The following TECPR1 variants were observed in gnomAD, a reference collection of about 807,000 sequenced individuals.
TECPR1 encodes tectonin beta-propeller repeat containing 1.
In TECPR1, 122 loss-of-function variants were observed where a neutral mutation model predicts 162.4. The ratio of observed to expected loss-of-function variants is 0.75; its 90% CI spans 0.65 to 0.87. The LOEUF (loss-of-function observed/expected upper bound fraction) is 0.87, where lower values mean the gene tolerates loss of function less well. Ranked by LOEUF, TECPR1 falls within the 40% of genes least tolerant of loss-of-function variation. The pLI, the probability that TECPR1 is intolerant of heterozygous loss-of-function variation, is 0.00. For synonymous variants in TECPR1, 642 were observed against 670.6 expected (o/e 0.96, Z 0.66); for missense variants, 1,432 against 1,618.2 (o/e 0.88, Z 1.97).
intron 2 of TECPR1, chr7:98,251,003 G>C (rs1167269140): frequency 6.6e-6 from 1 of 152,128 alleles, no homozygotes; most frequent in East Asian, 1.9e-4. Flanking sequence ...GCTCCCCCTA[G>C]CTCCTCATGG....
intron 23 of TECPR1, among the ~76,000 whole-genome samples, chr7:98,220,972 T>C (rs547287696): frequency 2.0e-5 from 3 of 149,790 alleles, no homozygotes; most frequent in South Asian, 4.5e-4. Flanking sequence ...ATTATAGGCA[T>C]GAGCCACTGT....
chr7:98,243,672 C>A, intron 5 of TECPR1, 80 bp from the exon 6 acceptor site: 1 of 1,509,164 alleles, frequency 6.6e-7, no homozygotes, highest in Non-Finnish European at 8.9e-7. Context: ...GCCCGCCTGC[C>A]ATCCGGACTT....
rs750365903 is a variant in TECPR1 at position 98,219,855 on chromosome 7, C to T, written c.3157+1806G>A. ...GGCAGAGGTTGCAGTGAGCCGAGAT[C>T]GCACCACTGCACTCCAGCCTGGGCA... On this transcript the variant is annotated intron_variant, in intron 23 of 25. Transcript: ENST00000447648. 3.3e-5 allele frequency among the ~76,000 whole-genome samples: 5 copies of T among 151,576 alleles called. No individual in the cohort carries two copies. In the East Asian group the frequency reaches 9.8e-4, roughly 30 times the overall value.
Position 98,238,437 on chromosome 7 carries a change from G to C in TECPR1, c.1035+72C>G, listed in dbSNP as rs574114543. 1.0e-5 allele frequency: 13 copies of C among 1,248,488 alleles called. No homozygotes were observed. The African/African-American group carries it at 1.8e-4, about 17-fold the overall frequency. 77.3% of individuals were successfully genotyped at this position (1,248,488 alleles called of 1,614,324 possible). On this transcript the variant is annotated intron_variant, in intron 9 of 25. Coordinates refer to ENST00000447648, the MANE Select transcript of TECPR1 (RefSeq NM_015395.3). ...TCCTACAGTGGGAAGCGGCCACTAG[G>C]CTATTGGGTGGCATCAGGAGCCCCC...
In TECPR1 at chr7:98,231,868, G is replaced by T. The variant is rs373412482; in HGVS notation, c.1910C>A (p.Thr637Lys). Residue 637 changes from threonine to lysine, a missense_variant, in exon 13 of 26, where the codon ACG (threonine) becomes AAG (lysine). By Grantham distance (78) the Thr-to-Lys change is moderately conservative. Coordinates refer to ENST00000447648, the MANE Select transcript of TECPR1 (RefSeq NM_015395.3). Reference sequence around the variant, plus strand: ...GCTGTCCCGGACGCCGTCGTGCCCCGTGAACTGCTCCAGGGCCAAGCGCAC... The same window carrying T: ...GCTGTCCCGGACGCCGTCGTGCCCCTTGAACTGCTCCAGGGCCAAGCGCAC... ...VDVRLALEQF[T>K]GHDGVRDSIL... The T allele has an allele frequency of 6.2e-7, 1 of 1,612,600 alleles. No homozygotes were observed. Among genetic ancestry groups the T allele is most frequent in the Admixed American group, 1.7e-5 (1 of 60,012 alleles).
intron 10 of TECPR1, among the ~76,000 whole-genome samples, chr7:98,236,205 C>A (rs2116593831): frequency 6.6e-6 from 1 of 152,172 alleles, no homozygotes; most frequent in East Asian, 1.9e-4. Flanking sequence ...CAGGTGCAGC[C>A]CCAAAACTGC....
At chr7:98,242,299 A>G (rs1054344319) in intron 6 of TECPR1, among the ~76,000 whole-genome samples, 14 of 152,144 alleles carry the variant, frequency 9.2e-5, no homozygotes, top group Non-Finnish European at 1.0e-4. Flanking sequence ...CCCTGAGTTC[A>G]GGACCCTCGG....
intron 17 of TECPR1, among the ~76,000 whole-genome samples, 191 bp downstream of exon 17, chr7:98,227,821 CAA>C (rs61468739): frequency 1.6e-3 from 162 of 102,586 alleles, no homozygotes; most frequent in African/African-American, 3.5e-3. Flanking sequence ...GACCCTGTAT[CAA>C]AAAAAAAAAA....
chr7:98,244,328 A>G (rs1056783184), intron 5 of TECPR1, among the ~76,000 whole-genome samples: 1 of 152,216 alleles, frequency 6.6e-6, no homozygotes, highest in South Asian at 2.1e-4. Flanking sequence ...CAGCTTGGAC[A>G]CCAGGGTCAG....
intron 21 of TECPR1, 139 bp from the exon 22 acceptor site, chr7:98,222,660 C>G (rs557201127): frequency 9.3e-7 from 1 of 1,074,658 alleles, no homozygotes; most frequent in African/African-American, 1.6e-5. Context: ...CAGCCCCACC[C>G]GGCCTGATCT....
At chr7:98,235,827 CAAAAAAAAAAAA>C (rs765569294) in intron 10 of TECPR1, among the ~76,000 whole-genome samples, 1 of 36,694 alleles carries the variant, frequency 2.7e-5, no homozygotes, top group African/African-American at 6.8e-5. Flanking sequence ...GAGACTGTCT[CAAAAAAAAAAAA>C]AAAAAAAAAA....
intron 2 of TECPR1, among the ~76,000 whole-genome samples, chr7:98,248,373 C>T (rs776304939): frequency 1.8e-4 from 27 of 151,862 alleles, no homozygotes; most frequent in Non-Finnish European, 3.7e-4. Context: ...ACTTAAAAAC[C>T]GGAGCAAAAG....
At position 98,232,094 on chromosome 7, in the gene TECPR1, G is replaced by GTT. The variant is rs1202807390; in HGVS notation, c.1819-136_1819-135insAA. ...CCCAGCACTCCCGGCTGTCAGCCCA[G>GTT]CTCCCCCTATGCTAATGATAACAGT... On this transcript the variant is annotated intron_variant, in intron 12 of 25. Coordinates refer to ENST00000447648, the MANE Select transcript of TECPR1 (RefSeq NM_015395.3). This position sits in a 1 kb window ranked among gnomAD's most constrained non-coding sequence, Gnocchi z 4.6. 91 of 915,304 alleles carry GTT rather than the reference G, an allele frequency of 9.9e-5. No individual in the cohort carries two copies. Among genetic ancestry groups the GTT allele is most frequent in the Admixed American group, 7.2e-4 (31 of 43,012 alleles). 56.7% of individuals were successfully genotyped at this position (915,304 alleles called of 1,614,324 possible).
At chr7:98,231,748 G>A in intron 13 of TECPR1, 56 bp downstream of exon 13, 1 of 1,564,084 alleles carries the variant, frequency 6.4e-7, no homozygotes, top group Non-Finnish European at 8.7e-7. Context: ...CCCTCCTCTA[G>A]CACCCCAGCC....
chr7:98,240,970 AC>A lies in TECPR1; in HGVS notation c.833-20del. ...GAACTTCCTACCGGGCCCCCAAGAA[AC>A]CCCCAGTGGCCCCCATCAGCCTGGA... is the stretch of plus-strand genomic sequence containing the variant. On this transcript the variant is annotated intron_variant, in intron 7 of 25. Coordinates refer to ENST00000447648, the MANE Select transcript of TECPR1 (RefSeq NM_015395.3). The A allele has an allele frequency of 6.3e-7, 1 of 1,594,610 alleles. No homozygotes were observed. The highest frequency in any genetic ancestry group is 1.1e-5 in the South Asian group (1 of 87,742).
At chr7:98,245,812 A>T in intron 3 of TECPR1, 110 bp downstream of exon 3, 1 of 994,532 alleles carries the variant, frequency 1.0e-6, no homozygotes, top group Non-Finnish European at 1.5e-6. Flanking sequence ...AAATGAAGGC[A>T]GGAACTGGTG....
chr7:98,222,717 G>C (rs1193289025), intron 21 of TECPR1, 196 bp from the exon 22 acceptor site: 2 of 838,078 alleles, frequency 2.4e-6, no homozygotes, highest in Middle Eastern at 3.1e-4. Flanking sequence ...CTGCGAGCAG[G>C]GAAAGCGCCC....
intron 2 of TECPR1, among the ~76,000 whole-genome samples, chr7:98,247,866 G>A (rs973771177): frequency 6.6e-6 from 1 of 152,066 alleles, no homozygotes; most frequent in African/African-American, 2.4e-5. Flanking sequence ...GGGACTACAG[G>A]CATGTGCCAC....
At chr7:98,227,373 CA>C (rs1262353275) in intron 17 of TECPR1, among the ~76,000 whole-genome samples, 1 of 143,746 alleles carries the variant, frequency 7.0e-6, no homozygotes, top group Non-Finnish European at 1.5e-5. Flanking sequence ...GCCTGGGCGA[CA>C]GGGCGAGACT....
Sources: allele counts gnomAD v4.1 joint callset (sites outside exome capture counted in the v4.1 genomes callset), GRCh38; gene constraint gnomAD v4.1.1; non-coding constraint Gnocchi (gnomAD v3.1); transcripts MANE v1.5; gene names NCBI Gene and HGNC (gene_info 2026-07-23, HGNC 2026-07-21).